The following RBFOX1 variants were observed in gnomAD, a reference collection of about 807,000 sequenced individuals.
The protein encoded by RBFOX1 is RNA binding protein fox-1 homolog 1.
In RBFOX1, 8 loss-of-function variants were observed where a neutral mutation model predicts 57.7. The ratio of observed to expected loss-of-function variants is 0.14; its 90% CI spans 0.08 to 0.25. The LOEUF (loss-of-function observed/expected upper bound fraction) is 0.25. Among genes scored for constraint, RBFOX1 ranks in the 10% least tolerant of loss-of-function variants. RBFOX1 has a pLI of 1.00. For missense variants in RBFOX1, 611 were observed against 548.5 expected, an observed-to-expected ratio of 1.11 and a Z score of -1.14; for synonymous variants, 326 against 222.4, an observed-to-expected ratio of 1.47 and a Z score of -4.15.
chr16:6,838,810 C>G (rs930672392), intron 3 of RBFOX1, among the ~76,000 whole-genome samples: 1 of 152,122 alleles, frequency 6.6e-6, no homozygotes. Flanking sequence ...TATCAGAATA[C>G]TCCATTCTCA....
At chr16:6,550,224 C>G (rs2096965357) in intron 2 of RBFOX1, among the ~76,000 whole-genome samples, 1 of 152,106 alleles carries the variant, frequency 6.6e-6, no homozygotes, top group African/African-American at 2.4e-5. Context: ...GTCGCCCAGA[C>G]TGGAGTGTAG....
intron 4 of RBFOX1, among the ~76,000 whole-genome samples, chr16:5,911,804 C>G (rs2058608200): frequency 6.6e-6 from 1 of 152,098 alleles, no homozygotes; most frequent in Non-Finnish European, 1.5e-5. Flanking sequence ...AAGGGGAGCT[C>G]TCTAGGACTT....
chr16:6,770,631 C>G (rs963853318), intron 3 of RBFOX1, among the ~76,000 whole-genome samples: 5 of 152,120 alleles, frequency 3.3e-5, no homozygotes, highest in African/African-American at 9.6e-5. Flanking sequence ...AAATCAATCT[C>G]TACTCAGAGG....
chr16:6,491,933 G>A (rs1306268674), intron 2 of RBFOX1, among the ~76,000 whole-genome samples: 1 of 152,102 alleles, frequency 6.6e-6, no homozygotes, highest in African/African-American at 2.4e-5. Flanking sequence ...CTCCTATTAG[G>A]ATTAACCTTC....
At chr16:7,385,951 T>G (rs2097870246) in intron 4 of RBFOX1, among the ~76,000 whole-genome samples, 1 of 142,208 alleles carries the variant, frequency 7.0e-6, no homozygotes, top group African/African-American at 2.5e-5. Flanking sequence ...TATTTATTTA[T>G]TTATTTATTT....
chr16:6,225,014 C>A, intron 1 of RBFOX1, among the ~76,000 whole-genome samples: 1 of 77,048 alleles, frequency 1.3e-5, no homozygotes, highest in Non-Finnish European at 2.3e-5. Flanking sequence ...AGCAAAACTC[C>A]ATCTCAAAAA....
chr16:6,189,730 T>C (rs1302943975), intron 1 of RBFOX1, among the ~76,000 whole-genome samples: 1 of 152,216 alleles, frequency 6.6e-6, no homozygotes, highest in Non-Finnish European at 1.5e-5. Flanking sequence ...CTCCTAGAAT[T>C]CGTACATTCC....
chr16:7,699,220 G>GTCATCCAGGCTGGAGAGT (rs1221012713), intron 14 of RBFOX1, among the ~76,000 whole-genome samples: 1 of 152,124 alleles, frequency 6.6e-6, no homozygotes, highest in Non-Finnish European at 1.5e-5. Context: ...TAGGGTCTCT[G>GTCATCCAGGCTGGAGAGT]TCATCCAGGC....
intron 2 of RBFOX1, among the ~76,000 whole-genome samples, chr16:6,339,931 C>T (rs561282956): frequency 2.0e-5 from 3 of 152,106 alleles, no homozygotes; most frequent in South Asian, 2.1e-4. Context: ...CCCACCTCGT[C>T]CTCCTAAAGT....
chr16:6,983,415 C>G (rs2089469259), intron 3 of RBFOX1, among the ~76,000 whole-genome samples: 1 of 148,580 alleles, frequency 6.7e-6, no homozygotes, highest in African/African-American at 2.5e-5. Flanking sequence ...ATATAATTAT[C>G]TATTTGCTGC....
chr16:6,832,858 A>C (rs1424676572), intron 3 of RBFOX1, among the ~76,000 whole-genome samples: 1 of 152,222 alleles, frequency 6.6e-6, no homozygotes, highest in East Asian at 1.9e-4. Context: ...CTACGTATCA[A>C]AGCCTGTGCT....
chr16:6,365,875 A>G (rs902230731), intron 2 of RBFOX1, among the ~76,000 whole-genome samples: 2 of 152,224 alleles, frequency 1.3e-5, no homozygotes, highest in Non-Finnish European at 2.9e-5. Context: ...GTTTAACTCA[A>G]TACCTAGAAT....
intron 2 of RBFOX1, among the ~76,000 whole-genome samples, chr16:5,523,842 C>G (rs118167875): frequency 9.0e-4 from 137 of 152,290 alleles, no homozygotes; most frequent in Non-Finnish European, 1.4e-3. Context: ...GCAGCGGCCC[C>G]TGGAGGACCA....
chr16:5,688,506 G>C (rs868669371), intron 3 of RBFOX1, among the ~76,000 whole-genome samples: 4 of 152,258 alleles, frequency 2.6e-5, no homozygotes, highest in Non-Finnish European at 4.4e-5. Context: ...AATACAGAGA[G>C]GTGGTTCTTG....
intron 3 of RBFOX1, among the ~76,000 whole-genome samples, chr16:6,918,809 G>A (rs1467356259): frequency 2.0e-5 from 3 of 152,102 alleles, no homozygotes; most frequent in Non-Finnish European, 4.4e-5. Context: ...TTGAGCAGAA[G>A]CGCACTCGTT....
chr16:5,252,511 T>G (rs2062478306), intron 1 of RBFOX1, among the ~76,000 whole-genome samples: 3 of 152,160 alleles, frequency 2.0e-5, no homozygotes, highest in Admixed American at 2.0e-4. Context: ...TCTCCAGGTG[T>G]CTGTAGGTGC....
intron 3 of RBFOX1, among the ~76,000 whole-genome samples, chr16:6,705,978 A>G (rs998154844): frequency 1.3e-5 from 2 of 152,170 alleles, no homozygotes; most frequent in African/African-American, 4.8e-5. Flanking sequence ...AGATGGTGCC[A>G]CTGAACTCCA....
chr16:5,707,419 A>T lies in RBFOX1; in HGVS notation c.318+108458A>T, dbSNP rs141105836. 1.3e-3 allele frequency among the ~76,000 whole-genome samples: 193 copies of T among 152,218 alleles called. 1 individual carries two copies. Among genetic ancestry groups the T allele is most frequent in the African/African-American group, 4.4e-3 (181 of 41,532 alleles). ...AAGTGTCTTGTGCTAGGAATGGGGG[A>T]CATGAGTGCCTTGCTCATGAAGGCG... On this transcript the variant is annotated intron_variant, in intron 3 of 19. Transcript: ENST00000641259.
intron 3 of RBFOX1, among the ~76,000 whole-genome samples, chr16:5,638,988 G>A (rs1596543428): frequency 1.3e-5 from 2 of 152,146 alleles, no homozygotes; most frequent in Admixed American, 1.3e-4. Flanking sequence ...TGTCACAGGA[G>A]GAAGATACTT....
Sources: allele counts gnomAD v4.1 joint callset (sites outside exome capture counted in the v4.1 genomes callset), GRCh38; gene constraint gnomAD v4.1.1; transcripts MANE v1.5; gene names NCBI Gene and HGNC (gene_info 2026-07-23, HGNC 2026-07-21).